KMT2C: variants seen among roughly 807,000 people sequenced by gnomAD.
KMT2C encodes histone-lysine N-methyltransferase 2C.
A neutral mutation model predicts 507.9 loss-of-function variants in KMT2C; 88 were observed. That is an observed-to-expected ratio of 0.17 (90% confidence interval 0.15 to 0.21). The LOEUF (loss-of-function observed/expected upper bound fraction) is 0.21, where lower values mean the gene tolerates loss of function less well. Among genes scored for constraint, KMT2C ranks in the 10% least tolerant of loss-of-function variants. The pLI is 1.00. For missense variants in KMT2C, 4,954 were observed against 5,957.8 expected (o/e 0.83, Z 5.55); for synonymous variants, 2,049 against 2,080.8 (o/e 0.98, Z 0.42).
At chr7:152,211,875 C>G (rs375106209) in intron 23 of KMT2C, among the ~76,000 whole-genome samples, 4 of 152,220 alleles carry the variant, frequency 2.6e-5, no homozygotes, top group Non-Finnish European at 5.9e-5. Context: ...AGTGAAAACC[C>G]GTCTCTACTA....
At chr7:152,175,090 T>C (rs920142529) in intron 38 of KMT2C, among the ~76,000 whole-genome samples, 1 of 152,116 alleles carries the variant, frequency 6.6e-6, no homozygotes, top group Non-Finnish European at 1.5e-5. Context: ...GGGAAGTTTG[T>C]AACTCAGTTT....
chr7:152,432,794 T>TTGGTGG (rs1211132908), intron 1 of KMT2C, among the ~76,000 whole-genome samples: 1 of 152,146 alleles, frequency 6.6e-6, no homozygotes, highest in Non-Finnish European at 1.5e-5. Flanking sequence ...GAAAGTGTAA[T>TTGGTGG]TGGTGGTGCA....
chr7:152,266,390 G>T lies in KMT2C; in HGVS notation c.1013-1181C>A, dbSNP rs189331651. The stretch of plus-strand genomic sequence containing the variant: ...CTCCCCAGTAGCTGGGCTTACAGGC[G>T]TGTGCCACCATGCCCATCTAATTTT... On this transcript the variant is annotated intron_variant, in intron 7 of 58. Coordinates refer to ENST00000262189, the MANE Select transcript of KMT2C (RefSeq NM_170606.3). 2.5e-3 allele frequency among the ~76,000 whole-genome samples: 376 copies of T among 152,114 alleles called. 1 individual carries two copies. The highest frequency in any genetic ancestry group is 8.7e-3 in the African/African-American group (360 of 41,492).
intron 1 of KMT2C, among the ~76,000 whole-genome samples, chr7:152,408,995 C>CT (rs67781006): frequency 3.4e-4 from 49 of 146,016 alleles, no homozygotes; most frequent in East Asian, 1.2e-3. Context: ...GTTTCTCTCT[C>CT]TTTTTTTTTT....
chr7:152,351,968 A>C (rs1006250036), intron 2 of KMT2C, among the ~76,000 whole-genome samples: 1 of 151,970 alleles, frequency 6.6e-6, no homozygotes, highest in Admixed American at 6.5e-5. Context: ...GATAACAGCA[A>C]TGTTCAGGGA....
At chr7:152,250,565 C>T (rs2095547676) in intron 12 of KMT2C, among the ~76,000 whole-genome samples, 1 of 152,152 alleles carries the variant, frequency 6.6e-6, no homozygotes, top group African/African-American at 2.4e-5. Context: ...TCAGCAACAG[C>T]TCTACTTAGC....
At position 152,255,108 on chromosome 7, in the gene KMT2C, CTT is replaced by C. The variant is rs1491315790; in HGVS notation, c.1300-2395_1300-2394del. 2.2e-3 allele frequency among the ~76,000 whole-genome samples: 131 copies of C among 60,666 alleles called. 2 individuals carry two copies. The highest frequency in any genetic ancestry group is 9.6e-3 in the Middle Eastern group (1 of 104). The allele number at this position is 60,666 out of a possible 152,430, so 39.8% of individuals were successfully genotyped here. ...AAATCAAGATGTCAATCAACTCTCA[CTT>C]ATATATATATATATATATATATATA... On this transcript the variant is annotated intron_variant, in intron 9 of 58. Transcript: ENST00000262189.
intron 6 of KMT2C, among the ~76,000 whole-genome samples, chr7:152,295,071 A>G (rs888782457): frequency 1.3e-5 from 2 of 152,212 alleles, no homozygotes; most frequent in African/African-American, 4.8e-5. Flanking sequence ...TTGAAAAAAA[A>G]GACATCTGCA....
At chr7:152,146,882 A>C in intron 52 of KMT2C, 147 bp from the exon 53 acceptor site, 1 of 782,222 alleles carries the variant, frequency 1.3e-6, no homozygotes, top group South Asian at 2.0e-5. Flanking sequence ...GTTTGGTAAT[A>C]ATCTAATGAA....
chr7:152,189,129 C>T (rs1239471624), intron 31 of KMT2C, among the ~76,000 whole-genome samples: 15 of 152,078 alleles, frequency 9.9e-5, no homozygotes, highest in Admixed American at 9.8e-4. Flanking sequence ...AGACATTAGG[C>T]AAATAAAAGG....
In KMT2C at chr7:152,176,862, T is replaced by A. The variant is rs1175330866; in HGVS notation, c.8591A>T (p.Asp2864Val). 1.9e-6 allele frequency: 3 copies of A among 1,614,188 alleles called. No homozygotes were observed. In the Admixed American group the frequency reaches 5.0e-5, roughly 27 times the overall value. Reference sequence around the variant, plus strand: ...AGGATGCAAAGAAGTCTTTTCTCCATCATTTAGGTCTGAGTGAGCAGAAGC... The same window carrying A: ...AGGATGCAAAGAAGTCTTTTCTCCAACATTTAGGTCTGAGTGAGCAGAAGC... ...SQASAHSDLN[D>V]GEKTSLHPCD... The change falls in exon 38 of 59, where the codon GAT becomes GTT. Residue 2864 changes from aspartate (D) to valine (V), a missense_variant. Physicochemically the swap from Asp to Val is radical, Grantham distance 152. This residue lies in a region of KMT2C where 1,689 missense variants were observed against 1,654.3 expected (regional missense o/e 1.02). Coordinates refer to ENST00000262189, the MANE Select transcript of KMT2C (RefSeq NM_170606.3).
chr7:152,392,790 A>C (rs2097509450), intron 1 of KMT2C, among the ~76,000 whole-genome samples: 2 of 152,064 alleles, frequency 1.3e-5, no homozygotes, highest in Non-Finnish European at 2.9e-5. Flanking sequence ...ACCTCCAAAA[A>C]ACACTGCTTC....
chr7:152,368,124 T>A, intron 1 of KMT2C: 3 of 939,090 alleles, frequency 3.2e-6, no homozygotes, highest in Middle Eastern at 3.2e-4. Flanking sequence ...TTGAAGTTAA[T>A]GGCAAAAGGG....
At chr7:152,281,731 CA>C (rs972469506) in intron 6 of KMT2C, among the ~76,000 whole-genome samples, 30 of 148,232 alleles carry the variant, frequency 2.0e-4, no homozygotes, top group African/African-American at 7.4e-4. Context: ...GACTCCATCT[CA>C]AAAACAAAAA....
rs764257441 is a variant in KMT2C, at chr7:152,248,430, C to T, written c.2004G>A (p.Gln668=). ...HQITVQQEQL[Q]LLEEPETVVS... ...CCACTGTTTCAGGTTCCTCTAACAACTGCAGTTGTTCTTGCTGCACAGTGA... is the reference window on the plus strand; with the variant it reads ...CCACTGTTTCAGGTTCCTCTAACAATTGCAGTTGTTCTTGCTGCACAGTGA... Residue 668 remains glutamine (Q), a synonymous_variant, in exon 14 of 59, where the codon CAG becomes CAA. Coordinates refer to ENST00000262189, the MANE Select transcript of KMT2C (RefSeq NM_170606.3). The T allele has an allele frequency of 6.2e-7, 1 of 1,614,106 alleles. No individual in the cohort carries two copies. Among genetic ancestry groups the T allele is most frequent in the Admixed American group, 1.7e-5 (1 of 59,998 alleles).
intron 5 of KMT2C, 51 bp from the exon 6 acceptor site, chr7:152,310,126 A>G: frequency 8.3e-7 from 1 of 1,203,176 alleles, no homozygotes; most frequent in Non-Finnish European, 1.2e-6. Context: ...TAAAAAAATT[A>G]AAGCTAATAA....
intron 6 of KMT2C, among the ~76,000 whole-genome samples, chr7:152,276,130 G>A (rs2096075400): frequency 2.0e-5 from 3 of 152,032 alleles, no homozygotes; most frequent in Admixed American, 6.6e-5. Flanking sequence ...AATAAAAGAA[G>A]GAAAATAAAA....
chr7:152,326,311 G>T (rs1247486586), intron 3 of KMT2C, among the ~76,000 whole-genome samples: 7 of 152,058 alleles, frequency 4.6e-5, no homozygotes, highest in African/African-American at 1.7e-4. Context: ...CCCCTAAAAT[G>T]TGAGTATTAT....
chr7:152,251,915 A>C, intron 11 of KMT2C, 24 bp downstream of exon 11: 1 of 1,553,072 alleles, frequency 6.4e-7, no homozygotes, highest in Non-Finnish European at 8.7e-7. Context: ...AAAAAATTTA[A>C]AAAAAAATCA....
Sources: gnomAD v4.1 joint callset for allele counts (sites outside exome capture counted in the v4.1 genomes callset) on GRCh38, gnomAD v4.1.1 for gene constraint, gnomAD v4.1.1 regional missense constraint, MANE v1.5 for transcripts, NCBI Gene and HGNC (gene_info 2026-07-23, HGNC 2026-07-21) for gene names.